Variants in TBC1D4 observed in about 807,000 individuals in gnomAD.
TBC1D4 encodes the protein TBC1 domain family member 4, also known as TBC (Tre-2, BUB2, CDC16) domain-containing protein.
A neutral mutation model predicts 142.5 loss-of-function variants in TBC1D4; 121 were observed. The observed-to-expected ratio is 0.85, with a 90% confidence interval of 0.73 to 0.99. The LOEUF (loss-of-function observed/expected upper bound fraction) is 0.99, where lower values mean the gene tolerates loss of function less well. TBC1D4 is among the 50% of genes least tolerant of loss of function. The pLI, the probability that TBC1D4 is intolerant of heterozygous loss-of-function variation, is 0.00. For synonymous variants in TBC1D4, 630 were observed against 628.2 expected (o/e 1.00, Z -0.04); for missense variants, 1,475 against 1,606.6 (o/e 0.92, Z 1.40).
chr13:75,322,686 C>T (rs116852530), intron 11 of TBC1D4, among the ~76,000 whole-genome samples: 1,872 of 152,274 alleles, frequency 0.012, 25 homozygotes, highest in South Asian at 0.049. Flanking sequence ...CATATACTCA[C>T]TTTAACAAAC....
chr13:75,404,152 A>G (rs924811335), intron 1 of TBC1D4, among the ~76,000 whole-genome samples: 1 of 152,166 alleles, frequency 6.6e-6, no homozygotes, highest in African/African-American at 2.4e-5. Flanking sequence ...ATAGTGAACA[A>G]TCACTAGATT....
At chr13:75,479,257 G>T (rs2138357414) in intron 1 of TBC1D4, among the ~76,000 whole-genome samples, 1 of 152,220 alleles carries the variant, frequency 6.6e-6, no homozygotes, top group East Asian at 1.9e-4. Flanking sequence ...GAAATCTCTT[G>T]GTTAAGAGCA....
chr13:75,326,314 C>T lies in TBC1D4; in HGVS notation c.1916G>A (p.Arg639Gln), dbSNP rs1879252068. 2 of 1,614,010 alleles carry T rather than the reference C, an allele frequency of 1.2e-6. No individual in the cohort carries two copies. Among genetic ancestry groups the T allele is most frequent in the Non-Finnish European group, 1.7e-6 (2 of 1,180,010 alleles). The change falls in exon 10 of 21, where the codon CGG becomes CAG. Residue 639 changes from arginine (R) to glutamine (Q), a missense_variant. Arg to Gln is a conservative substitution (Grantham distance 43). Transcript: ENST00000377636. Reference protein sequence around the residue: ...EDSDSPQFRRRAHTFSHPPSS... With the variant: ...EDSDSPQFRRQAHTFSHPPSS... ...AGGTGGGTGGCTGAACGTGTGTGCC[C>T]GTCTTCGAAACTGCGGGGAGTCGGA...
intron 1 of TBC1D4, among the ~76,000 whole-genome samples, chr13:75,447,604 C>G (rs1344718236): frequency 2.0e-5 from 3 of 151,792 alleles, no homozygotes; most frequent in African/African-American, 4.8e-5. Flanking sequence ...TATACACACA[C>G]ACACATATAT....
At chr13:75,354,646 G>A (rs1406285194) in intron 4 of TBC1D4, among the ~76,000 whole-genome samples, 1 of 152,006 alleles carries the variant, frequency 6.6e-6, no homozygotes, top group East Asian at 1.9e-4. Flanking sequence ...CAGTCCTAGA[G>A]TAGAGGAGGG....
At chr13:75,326,467 C>T in intron 9 of TBC1D4, 44 bp from the exon 10 acceptor site, 1 of 1,597,898 alleles carries the variant, frequency 6.3e-7, no homozygotes, top group Non-Finnish European at 8.6e-7. Flanking sequence ...CCACGTGGGT[C>T]ATGGCAGACC....
At chr13:75,394,623 A>G (rs992332747) in intron 1 of TBC1D4, among the ~76,000 whole-genome samples, 5 of 152,218 alleles carry the variant, frequency 3.3e-5, no homozygotes, top group Non-Finnish European at 7.3e-5. Context: ...AAACATAAAT[A>G]TATTTTATAT....
intron 1 of TBC1D4, among the ~76,000 whole-genome samples, chr13:75,402,955 C>G (rs558294854): frequency 6.6e-6 from 1 of 152,284 alleles, no homozygotes; most frequent in South Asian, 2.1e-4. Flanking sequence ...AGCTGTGAAG[C>G]CTGCCAGCCA....
chr13:75,395,967 A>G (rs1884776178), intron 1 of TBC1D4, among the ~76,000 whole-genome samples: 1 of 152,164 alleles, frequency 6.6e-6, no homozygotes, highest in African/African-American at 2.4e-5. Flanking sequence ...TATAAGCAGG[A>G]TCAGGTTGGT....
intron 17 of TBC1D4, 115 bp from the exon 18 acceptor site, chr13:75,295,128 T>C (rs780639127): frequency 1.2e-5 from 11 of 954,330 alleles, no homozygotes; most frequent in East Asian, 2.7e-5. Context: ...ATATAAGTAG[T>C]ATTACTTTAT....
chr13:75,411,517 G>A (rs1014447828), intron 1 of TBC1D4, among the ~76,000 whole-genome samples: 3 of 152,000 alleles, frequency 2.0e-5, no homozygotes, highest in South Asian at 2.1e-4. Context: ...AAGCAACTAC[G>A]GGATGCACAC....
intron 1 of TBC1D4, among the ~76,000 whole-genome samples, chr13:75,406,667 C>G (rs541968090): frequency 6.6e-6 from 1 of 152,170 alleles, no homozygotes; most frequent in Non-Finnish European, 1.5e-5. Flanking sequence ...TAACATTTTA[C>G]GATTCATGTA....
chr13:75,348,799 G>A (rs890046385), intron 5 of TBC1D4, among the ~76,000 whole-genome samples: 1 of 152,108 alleles, frequency 6.6e-6, no homozygotes, highest in Non-Finnish European at 1.5e-5. Context: ...ATTCTGTGAT[G>A]GTTTTGTCTC....
chr13:75,452,638 T>G (rs1257542317), intron 1 of TBC1D4, among the ~76,000 whole-genome samples: 2 of 152,200 alleles, frequency 1.3e-5, no homozygotes, highest in African/African-American at 4.8e-5. Context: ...TGCATAACCA[T>G]TCCACAGAAG....
chr13:75,387,349 C>A (rs575431652), intron 1 of TBC1D4, among the ~76,000 whole-genome samples: 1 of 152,300 alleles, frequency 6.6e-6, no homozygotes, highest in African/African-American at 2.4e-5. Flanking sequence ...TGACACTATC[C>A]ACCAAAGAAT....
intron 1 of TBC1D4, among the ~76,000 whole-genome samples, chr13:75,459,622 T>C (rs1290238887): frequency 6.6e-6 from 1 of 152,178 alleles, no homozygotes; most frequent in African/African-American, 2.4e-5. Flanking sequence ...TTCTCTGTGT[T>C]CTTTTTCCCA....
intron 1 of TBC1D4, among the ~76,000 whole-genome samples, chr13:75,387,114 A>C (rs932060505): frequency 6.6e-6 from 1 of 152,042 alleles, no homozygotes; most frequent in Admixed American, 6.5e-5. Flanking sequence ...TTATATAATA[A>C]ATATTTTATG....
At chr13:75,418,317 A>G (rs1886008711) in intron 1 of TBC1D4, among the ~76,000 whole-genome samples, 1 of 152,192 alleles carries the variant, frequency 6.6e-6, no homozygotes, top group African/African-American at 2.4e-5. Context: ...GTGTGAAAAG[A>G]CCTGTTTAAA....
At chr13:75,406,190 G>C (rs1314942871) in intron 1 of TBC1D4, among the ~76,000 whole-genome samples, 1 of 152,154 alleles carries the variant, frequency 6.6e-6, no homozygotes, top group African/African-American at 2.4e-5. Context: ...TATCTCTAGA[G>C]AATTTATTGA....
Sources: gnomAD v4.1 joint callset for allele counts (sites outside exome capture counted in the v4.1 genomes callset) on GRCh38, gnomAD v4.1.1 for gene constraint, MANE v1.5 for transcripts, NCBI Gene and HGNC (gene_info 2026-07-23, HGNC 2026-07-21) for gene names.